PIAS1: variants seen among roughly 807,000 people sequenced by gnomAD.
The protein encoded by PIAS1 is protein inhibitor of activated STAT 1, also known as E3 SUMO-protein ligase PIAS1.
In PIAS1, 6 loss-of-function variants were observed where a neutral mutation model predicts 71.3. The ratio of observed to expected loss-of-function variants is 0.08; its 90% CI spans 0.05 to 0.17. PIAS1 has a LOEUF of 0.17. Ranked by LOEUF, PIAS1 falls within the 10% of genes least tolerant of loss-of-function variation. PIAS1 has a pLI of 1.00. For missense variants in PIAS1, 555 were observed against 793.6 expected (o/e 0.70, Z 3.61); for synonymous variants, 303 against 292.9 (o/e 1.03, Z -0.35).
chr15:68,134,650 C>T (rs1242453894), intron 2 of PIAS1, among the ~76,000 whole-genome samples: 6 of 24,322 alleles, frequency 2.5e-4, no homozygotes, highest in South Asian at 1.5e-3. Flanking sequence ...CCGGACGGGG[C>T]GGCTGGCCGG....
At chr15:68,129,504 C>T (rs1024053918) in intron 2 of PIAS1, among the ~76,000 whole-genome samples, 4 of 151,270 alleles carry the variant, frequency 2.6e-5, no homozygotes, top group African/African-American at 4.9e-5. Flanking sequence ...TTTAAAATGA[C>T]ATTAAAAAAA....
Position 68,189,676 on chromosome 15 carries a change from T to C in PIAS1, c.*1841T>C, listed in dbSNP as rs774777905. On this transcript the variant is annotated 3_prime_UTR_variant, in exon 14 of 14. Coordinates refer to ENST00000249636, the MANE Select transcript of PIAS1 (RefSeq NM_016166.3). ...TATATGTATTTATAAACAAGTGTGTTTGAGTAACAAGTGAGTTTCATAGTC... is the reference window on the plus strand; with the variant it reads ...TATATGTATTTATAAACAAGTGTGTCTGAGTAACAAGTGAGTTTCATAGTC... 2.6e-5 allele frequency: 4 copies of C among 152,184 alleles called. No individual in the cohort carries two copies. Among genetic ancestry groups the C allele is most frequent in the Non-Finnish European group, 1.5e-5 (1 of 68,028 alleles). The allele number at this position is 152,184 out of a possible 1,614,324, so 9.4% of individuals were successfully genotyped here.
chr15:68,174,550 G>A lies in PIAS1; in HGVS notation c.1169+658G>A, dbSNP rs2093010816. 6.6e-6 allele frequency among the ~76,000 whole-genome samples: 1 copy of A among 152,222 alleles called. No individual in the cohort carries two copies. The highest frequency in any genetic ancestry group is 2.1e-4 in the South Asian group (1 of 4,828). Reference sequence around the variant, plus strand: ...TCCTTGATTTTTTTGGGGATGGGGGGTTAGAGACAGAGTCTTGCCATTTTG... The same window carrying A: ...TCCTTGATTTTTTTGGGGATGGGGGATTAGAGACAGAGTCTTGCCATTTTG... On this transcript the variant is annotated intron_variant, in intron 9 of 13. Transcript: ENST00000249636. The surrounding 1 kb of genome is among the most constrained non-coding windows in gnomAD (Gnocchi z 4.0).
At chr15:68,113,432 A>G (rs950970907) in intron 2 of PIAS1, among the ~76,000 whole-genome samples, 3 of 152,198 alleles carry the variant, frequency 2.0e-5, no homozygotes, top group Non-Finnish European at 4.4e-5. Context: ...TCAAACATTG[A>G]TCATTAGACT....
At chr15:68,056,758 A>C (rs755871470) in intron 1 of PIAS1, among the ~76,000 whole-genome samples, 2 of 151,634 alleles carry the variant, frequency 1.3e-5, no homozygotes, top group African/African-American at 4.9e-5. Context: ...TTATTTGAGA[A>C]TGTGTTAAAA....
At chr15:68,180,391 C>T (rs1023359482) in intron 11 of PIAS1, among the ~76,000 whole-genome samples, 2 of 152,172 alleles carry the variant, frequency 1.3e-5, no homozygotes, top group African/African-American at 2.4e-5. Flanking sequence ...GCCACCATGC[C>T]TGGCCCCAAA....
chr15:68,118,156 C>T (rs1419137127), intron 2 of PIAS1, among the ~76,000 whole-genome samples: 1 of 151,840 alleles, frequency 6.6e-6, no homozygotes, highest in Non-Finnish European at 1.5e-5. Context: ...ATGGTGAAAT[C>T]CTGCCTCTAC....
chr15:68,170,066 G>C (rs1441437393), intron 8 of PIAS1, among the ~76,000 whole-genome samples: 2 of 152,140 alleles, frequency 1.3e-5, no homozygotes, highest in African/African-American at 4.8e-5. Flanking sequence ...ATGCAGAACT[G>C]AAGCCTTATC....
At chr15:68,080,211 A>G (rs956384182) in intron 1 of PIAS1, among the ~76,000 whole-genome samples, 13 of 152,222 alleles carry the variant, frequency 8.5e-5, no homozygotes, top group African/African-American at 3.1e-4. Context: ...ATGTGGTAGT[A>G]TATAAATAAG....
At chr15:68,128,674 T>C (rs1480319105) in intron 2 of PIAS1, among the ~76,000 whole-genome samples, 1 of 152,222 alleles carries the variant, frequency 6.6e-6, no homozygotes, top group Non-Finnish European at 1.5e-5. Context: ...TTCCAGATTC[T>C]GCTAGAAGTA....
In PIAS1 at chr15:68,086,505, T is replaced by C. The variant is rs976409235; in HGVS notation, c.224T>C (p.Leu75Ser). 1.2e-6 allele frequency: 2 copies of C among 1,613,972 alleles called. No homozygotes were observed. The highest frequency in any genetic ancestry group is 8.5e-7 in the Non-Finnish European group (1 of 1,179,858). Residue 75 changes from leucine to serine, a missense_variant, in exon 2 of 14, where the codon TTG becomes TCG. Leu to Ser is a moderately radical substitution (Grantham distance 145). Coordinates refer to ENST00000249636, the MANE Select transcript of PIAS1 (RefSeq NM_016166.3). This position sits in a 1 kb window ranked among gnomAD's most constrained non-coding sequence, Gnocchi z 7.2. Reference protein sequence around the residue: ...FPQKIMTPADLSIPNVHSSPM... With the variant: ...FPQKIMTPADSSIPNVHSSPM... ...CAGAAAATCATGACGCCTGCAGACT[T>C]GTCCATCCCCAACGTACATTCAAGT...
intron 12 of PIAS1, among the ~76,000 whole-genome samples, chr15:68,183,409 A>G (rs1687164010): frequency 6.6e-6 from 1 of 152,302 alleles, no homozygotes; most frequent in Middle Eastern, 3.4e-3. Flanking sequence ...AGTCCCCCAA[A>G]TGGGGTCACG....
At position 68,169,803 on chromosome 15, in the gene PIAS1, C is replaced by T. The variant is rs539495816; in HGVS notation, c.1009-3929C>T. Among the ~76,000 whole-genome samples the T allele has an allele frequency of 2.0e-5, 3 of 152,270 alleles. No homozygotes were observed. The East Asian group carries it at 5.8e-4, about 29-fold the overall frequency. On this transcript the variant is annotated intron_variant, in intron 8 of 13. Coordinates refer to ENST00000249636, the MANE Select transcript of PIAS1 (RefSeq NM_016166.3). ...ACTACTGTTATTTATTGAAAAGTTA[C>T]TATGTGTCAGGTACTGTGTAGTAAA...
intron 3 of PIAS1, 104 bp from the exon 4 acceptor site, chr15:68,142,186 A>G (rs1296288266): frequency 6.8e-6 from 7 of 1,036,862 alleles, no homozygotes; most frequent in Non-Finnish European, 1.0e-5. Flanking sequence ...GAACAGTTAT[A>G]TTTATGATAA....
chr15:68,098,522 G>A (rs530213379), intron 2 of PIAS1, among the ~76,000 whole-genome samples: 8 of 152,224 alleles, frequency 5.3e-5, no homozygotes, highest in East Asian at 3.9e-4. Context: ...AGGGTCAATT[G>A]TACTTAATTT....
intron 1 of PIAS1, among the ~76,000 whole-genome samples, chr15:68,070,812 G>A (rs756500262): frequency 3.9e-5 from 6 of 152,044 alleles, no homozygotes; most frequent in Non-Finnish European, 7.4e-5. Context: ...ATAGAGATGT[G>A]GCCTCACTAT....
At chr15:68,126,643 A>G (rs1006414155) in intron 2 of PIAS1, among the ~76,000 whole-genome samples, 1 of 151,850 alleles carries the variant, frequency 6.6e-6, no homozygotes, top group Non-Finnish European at 1.5e-5. Flanking sequence ...GGGTTTCACC[A>G]TGTTGGCCTG....
chr15:68,084,850 G>A (rs572980058), intron 1 of PIAS1, among the ~76,000 whole-genome samples: 2 of 152,242 alleles, frequency 1.3e-5, no homozygotes, highest in Non-Finnish European at 1.5e-5. Context: ...ATACAGATGC[G>A]AAAAGTGGCC....
At position 68,054,342 on chromosome 15, in the gene PIAS1, G is replaced by A; in HGVS notation, c.16G>A (p.Glu6Lys). 2 of 1,577,762 alleles carry A rather than the reference G, an allele frequency of 1.3e-6. No homozygotes were observed. The highest frequency in any genetic ancestry group is 2.4e-5 in the East Asian group (1 of 42,452). Residue 6 changes from glutamate to lysine, a missense_variant, in exon 1 of 14, where the codon GAA becomes AAA. Glu to Lys is a moderately conservative substitution (Grantham distance 56, BLOSUM62 1). Transcript: ENST00000249636. The surrounding 1 kb of genome is among the most constrained non-coding windows in gnomAD (Gnocchi z 4.6). ...CAGACGCAAGATGGCGGACAGTGCG[G>A]AACTAAAGGTAAAGCGCAGCTCGAA... MADSA[E>K]LKQMVMSLRV...
Sources: gnomAD v4.1 joint callset for allele counts (sites outside exome capture counted in the v4.1 genomes callset) on GRCh38, gnomAD v4.1.1 for gene constraint, Gnocchi (gnomAD v3.1) non-coding constraint, MANE v1.5 for transcripts, NCBI Gene and HGNC (gene_info 2026-07-23, HGNC 2026-07-21) for gene names.